The following ERC1 variants were observed in gnomAD, a reference collection of about 807,000 sequenced individuals.
The protein encoded by ERC1 is ELKS/RAB6-interacting/CAST family member 1, also known as RAB6 interacting protein 2.
ERC1 carries 56 observed loss-of-function variants against 132.0 expected under a neutral mutation model. The observed-to-expected ratio is 0.42, with a 90% CI of 0.34 to 0.53. The LOEUF (loss-of-function observed/expected upper bound fraction) is 0.53. Ranked by LOEUF, ERC1 falls within the 20% of genes least tolerant of loss-of-function variation. ERC1 has a pLI of 0.03. For missense variants in ERC1, 1,202 were observed against 1,349.9 expected, an observed-to-expected ratio of 0.89 and a Z score of 1.72; for synonymous variants, 478 against 476.1, an observed-to-expected ratio of 1.00 and a Z score of -0.05.
At chr12:1,273,151 T>A (rs1353175797) in intron 14 of ERC1, among the ~76,000 whole-genome samples, 1 of 152,174 alleles carries the variant, frequency 6.6e-6, no homozygotes, top group Non-Finnish European at 1.5e-5. Context: ...TATCCTTAGA[T>A]GTTATTCCTA....
At position 1,262,071 on chromosome 12, in the gene ERC1, C is replaced by G. The variant is rs193297151; in HGVS notation, c.2488-963C>G. 1.8e-3 allele frequency among the ~76,000 whole-genome samples: 267 copies of G among 152,186 alleles called. No individual in the cohort carries two copies. In the South Asian group the frequency reaches 0.018, roughly 10 times the overall value. On this transcript the variant is annotated intron_variant, in intron 13 of 18. Transcript: ENST00000360905. ...AGTTTCTTAGATAAAATAAAAAATT[C>G]TTGGATATCTTTTCCTGATATGAGT...
chr12:1,112,512 T>C (rs1048664152), intron 6 of ERC1, among the ~76,000 whole-genome samples: 6 of 152,246 alleles, frequency 3.9e-5, no homozygotes, highest in African/African-American at 1.2e-4. Context: ...TCACGTGTTC[T>C]GGAAGCCTTG....
At chr12:1,435,696 C>T (rs972807062) in intron 17 of ERC1, among the ~76,000 whole-genome samples, 2 of 152,108 alleles carry the variant, frequency 1.3e-5, no homozygotes, top group African/African-American at 4.8e-5. Flanking sequence ...ACTTCGTGCC[C>T]CCGTGCATTC....
At chr12:991,108 G>A (rs1199518183), upstream of ERC1, 1 of 151,606 alleles carries the variant, frequency 6.6e-6, no homozygotes, top group East Asian at 2.0e-4. Context: ...GCTCCCGGGA[G>A]GCTGAGGGAA....
chr12:1,368,562 C>T (rs555122862), intron 15 of ERC1, among the ~76,000 whole-genome samples: 26 of 152,162 alleles, frequency 1.7e-4, no homozygotes, highest in Admixed American at 1.4e-3. Flanking sequence ...CAGGTAAGTC[C>T]GACTATACCA....
intron 14 of ERC1, among the ~76,000 whole-genome samples, chr12:1,287,571 A>G (rs1319705647): frequency 6.6e-6 from 1 of 152,202 alleles, no homozygotes; most frequent in Non-Finnish European, 1.5e-5. Flanking sequence ...ATCTTTCCCA[A>G]GTGAGAGAGA....
At position 1,353,310 on chromosome 12, in the gene ERC1, G is replaced by A. The variant is rs181037298; in HGVS notation, c.2781-18523G>A. Reference sequence around the variant, plus strand: ...CTCCCAAAGTACTGGGATTACAGGCGTGAGCCACCGCGCCCGGCCTACAAA... The same window carrying A: ...CTCCCAAAGTACTGGGATTACAGGCATGAGCCACCGCGCCCGGCCTACAAA... On this transcript the variant is annotated intron_variant, in intron 15 of 18. Coordinates refer to ENST00000360905, the MANE Select transcript of ERC1 (RefSeq NM_178040.4). 1.5e-3 allele frequency among the ~76,000 whole-genome samples: 228 copies of A among 152,222 alleles called. 2 individuals carry two copies. The highest frequency in any genetic ancestry group is 4.7e-3 in the African/African-American group (197 of 41,550).
At chr12:992,759 T>C (rs896710616) in intron 1 of ERC1, among the ~76,000 whole-genome samples, 1 of 152,230 alleles carries the variant, frequency 6.6e-6, no homozygotes, top group Non-Finnish European at 1.5e-5. Context: ...GCCCTACTTA[T>C]CAGTTAGTGT....
intron 15 of ERC1, among the ~76,000 whole-genome samples, chr12:1,343,968 T>A (rs944400839): frequency 5.3e-5 from 8 of 152,090 alleles, no homozygotes; most frequent in African/African-American, 1.9e-4. Context: ...CAGTGTCCCG[T>A]GTAGCTGGGA....
intron 2 of ERC1, among the ~76,000 whole-genome samples, chr12:1,032,902 T>C (rs78304463): frequency 0.028 from 4,296 of 152,122 alleles, 85 homozygotes; most frequent in South Asian, 0.092. Flanking sequence ...AGACAGAGCC[T>C]CTCTATGTCA....
intron 15 of ERC1, among the ~76,000 whole-genome samples, chr12:1,333,489 T>C (rs990309939): frequency 5.9e-5 from 9 of 151,898 alleles, no homozygotes; most frequent in Non-Finnish European, 1.0e-4. Flanking sequence ...CGTGCCACCA[T>C]GCCTGGCTAA....
chr12:1,456,769 T>C (rs1474648425), intron 18 of ERC1, among the ~76,000 whole-genome samples: 1 of 151,968 alleles, frequency 6.6e-6, no homozygotes, highest in Admixed American at 6.6e-5. Context: ...CAGTGAGTGG[T>C]TCTGGAGCTG....
chr12:1,397,502 T>A lies in ERC1; in HGVS notation c.2926-10647T>A, dbSNP rs1264206802. ...TAGAAAGGGATGAGAAAGATCTCTA[T>A]TGATATGGAGCGATTCCCAGAACAT... On this transcript the variant is annotated intron_variant, in intron 16 of 18. Transcript: ENST00000360905. Among the ~76,000 whole-genome samples, 4 of 152,220 alleles carry A rather than the reference T, an allele frequency of 2.6e-5. No individual in the cohort carries two copies. In the East Asian group the frequency reaches 7.7e-4, roughly 29 times the overall value.
chr12:1,276,137 A>AT lies in ERC1; in HGVS notation c.2619+12974dup, dbSNP rs1236127020. Among the ~76,000 whole-genome samples, 7 of 152,066 alleles carry AT rather than the reference A, an allele frequency of 4.6e-5. No individual in the cohort carries two copies. In the East Asian group the frequency reaches 1.2e-3, roughly 25 times the overall value. On this transcript the variant is annotated intron_variant, in intron 14 of 18. Coordinates refer to ENST00000360905, the MANE Select transcript of ERC1 (RefSeq NM_178040.4). Reference sequence around the variant, plus strand: ...GAAGCAATCTCTTCAACCTTACCTTATTCCCTTGTCTGGAAAAATCCTACT... The same window carrying AT: ...GAAGCAATCTCTTCAACCTTACCTTATTTCCCTTGTCTGGAAAAATCCTACT...
At chr12:1,427,237 A>T (rs1194828722) in intron 17 of ERC1, among the ~76,000 whole-genome samples, 1 of 152,230 alleles carries the variant, frequency 6.6e-6, no homozygotes, top group East Asian at 1.9e-4. Flanking sequence ...CAGACACTAC[A>T]CATACTGTGT....
chr12:1,461,038 A>T (rs1281696466), intron 18 of ERC1, among the ~76,000 whole-genome samples: 1 of 149,628 alleles, frequency 6.7e-6, no homozygotes, highest in African/African-American at 2.5e-5. Flanking sequence ...TACAAAAGAA[A>T]TATTTTAGTT....
chr12:1,003,429 G>C (rs981356435), intron 1 of ERC1, among the ~76,000 whole-genome samples: 1 of 152,156 alleles, frequency 6.6e-6, no homozygotes, highest in Non-Finnish European at 1.5e-5. Context: ...TGCTGACTCT[G>C]TATTTTGCTA....
intron 7 of ERC1, among the ~76,000 whole-genome samples, chr12:1,118,075 ATTACAC>A (rs1320866786): frequency 6.6e-6 from 1 of 152,196 alleles, no homozygotes; most frequent in Non-Finnish European, 1.5e-5. Context: ...AAACAATCCA[ATTACAC>A]TCTTTAAGTT....
chr12:1,262,276 A>T (rs1380047029), intron 13 of ERC1, among the ~76,000 whole-genome samples: 1 of 152,202 alleles, frequency 6.6e-6, no homozygotes, highest in Non-Finnish European at 1.5e-5. Flanking sequence ...TTGTCTTCTT[A>T]AGATCTCTCC....
Sources: allele counts gnomAD v4.1 joint callset (sites outside exome capture counted in the v4.1 genomes callset), GRCh38; gene constraint gnomAD v4.1.1; transcripts MANE v1.5; gene names NCBI Gene and HGNC (gene_info 2026-07-23, HGNC 2026-07-21).